IL7: variants seen among roughly 807,000 people sequenced by gnomAD.
IL7 encodes interleukin-7.
IL7 carries 3 observed loss-of-function variants against 21.6 expected under a neutral mutation model. The observed-to-expected ratio is 0.14, with a 90% CI of 0.06 to 0.36. IL7 has a LOEUF of 0.36. Ranked by LOEUF, IL7 falls within the 10% of genes least tolerant of loss-of-function variation. The pLI is 1.00. For missense variants in IL7, 175 were observed against 200.2 expected (o/e 0.87, Z 0.76); for synonymous variants, 62 against 68.1 (o/e 0.91, Z 0.44).
At chr8:78,708,670 ATCTTTTTTTTT>A (rs1218727344) in intron 3 of IL7, among the ~76,000 whole-genome samples, 2 of 78,258 alleles carry the variant, frequency 2.6e-5, no homozygotes, top group Non-Finnish European at 6.3e-5. Context: ...AAAGATGATT[ATCTTTTTTTTT>A]TCTTTTTTTT....
chr8:78,708,678 T>C (rs1427404634), intron 3 of IL7, among the ~76,000 whole-genome samples: 1 of 151,318 alleles, frequency 6.6e-6, no homozygotes, highest in African/African-American at 2.4e-5. Context: ...TTATCTTTTT[T>C]TTTTCTTTTT....
At chr8:78,699,316 A>T (rs2130552587) in intron 3 of IL7, among the ~76,000 whole-genome samples, 1 of 152,258 alleles carries the variant, frequency 6.6e-6, no homozygotes, top group East Asian at 1.9e-4. Context: ...ATATAGAGCC[A>T]TATATTTTTA....
intron 3 of IL7, chr8:78,723,889 C>A: frequency 4.6e-6 from 1 of 219,092 alleles, no homozygotes; most frequent in Admixed American, 4.5e-5. Flanking sequence ...GGAAGACAAG[C>A]TATTCCACTT....
At chr8:78,683,122 T>A (rs1220212703) in intron 4 of IL7, among the ~76,000 whole-genome samples, 4 of 152,204 alleles carry the variant, frequency 2.6e-5, no homozygotes, top group African/African-American at 9.7e-5. Flanking sequence ...GCATTGAGTG[T>A]CTGCAACTTT....
Position 78,733,544 on chromosome 8 carries a change from TTCATCTTCTAG to T in IL7, c.*158_*168del. The stretch of plus-strand genomic sequence containing the variant: ...GAGCATTCAGTTTCCATTGTTTGTA[TTCATCTTCTAG>T]TAATACAATATGCATTTCTCAAATG... On this transcript the variant is annotated 3_prime_UTR_variant, in exon 6 of 6. Coordinates refer to ENST00000263851, the MANE Select transcript of IL7 (RefSeq NM_000880.4). 4 of 575,470 alleles carry T rather than the reference TTCATCTTCTAG, an allele frequency of 7.0e-6. 1 individual carries two copies. Among genetic ancestry groups the T allele is most frequent in the Non-Finnish European group, 1.2e-5 (4 of 338,444 alleles). 35.6% of individuals were successfully genotyped at this position (575,470 alleles called of 1,614,324 possible).
At chr8:78,760,953 A>C in intron 2 of IL7, 4 of 1,564,380 alleles carry the variant, frequency 2.6e-6, no homozygotes, top group Non-Finnish European at 3.5e-6. Context: ...GCTCTTGTAA[A>C]AGATAGGACA....
intron 1 of IL7, among the ~76,000 whole-genome samples, chr8:78,804,706 CA>C: frequency 6.6e-6 from 1 of 152,338 alleles, no homozygotes; most frequent in Middle Eastern, 3.4e-3. Flanking sequence ...CCAGGGGCAG[CA>C]GCCGCCCCAG....
intron 2 of IL7, among the ~76,000 whole-genome samples, chr8:78,780,950 C>G (rs544515616): frequency 6.6e-6 from 1 of 152,260 alleles, no homozygotes; most frequent in African/African-American, 2.4e-5. Context: ...GATGTTAGCT[C>G]TTCTTGTTGA....
chr8:78,702,777 A>G (rs1267560403), intron 3 of IL7, among the ~76,000 whole-genome samples: 3 of 152,158 alleles, frequency 2.0e-5, no homozygotes, highest in Non-Finnish European at 4.4e-5. Flanking sequence ...TTTTGAGTTA[A>G]TTTCTTAATC....
At chr8:78,684,458 A>T (rs1268571872) in intron 4 of IL7, among the ~76,000 whole-genome samples, 1 of 152,168 alleles carries the variant, frequency 6.6e-6, no homozygotes, top group East Asian at 1.9e-4. Flanking sequence ...CCGTGATTCA[A>T]TTACCTCCTA....
chr8:78,777,775 T>G (rs1813179874), intron 2 of IL7, among the ~76,000 whole-genome samples: 1 of 152,098 alleles, frequency 6.6e-6, no homozygotes, highest in South Asian at 2.1e-4. Context: ...ATAACCTATC[T>G]TTCTGAATGC....
At chr8:78,760,968 T>C (rs1028438786) in intron 2 of IL7, 1 of 1,575,518 alleles carries the variant, frequency 6.3e-7, no homozygotes, top group Admixed American at 1.9e-5. Flanking sequence ...AGGACATTTT[T>C]AAGAACAACA....
intron 5 of IL7, among the ~76,000 whole-genome samples, chr8:78,720,346 G>A (rs557956647): frequency 1.3e-5 from 2 of 151,870 alleles, no homozygotes; most frequent in East Asian, 1.9e-4. Flanking sequence ...ATTGAGGTAC[G>A]TTGATTTTTT....
chr8:78,733,898 A>G (rs1302222921), intron 5 of IL7, 66 bp from the exon 6 acceptor site: 17 of 1,071,604 alleles, frequency 1.6e-5, no homozygotes, highest in Admixed American at 1.1e-4. Context: ...TTAAAATACT[A>G]TTTTTCATCA....
Position 78,686,715 on chromosome 8 carries a change from G to A in IL7, n.215-768C>T, listed in dbSNP as rs945743004. 12 of 1,199,258 alleles carry A rather than the reference G, an allele frequency of 1.0e-5. No individual in the cohort carries two copies. In the African/African-American group the frequency reaches 1.9e-4, roughly 19 times the overall value. The allele number at this position is 1,199,258 out of a possible 1,614,324, so 74.3% of individuals were successfully genotyped here. On this transcript the variant is annotated intron_variant and non_coding_transcript_variant, in intron 3 of 4. Transcript: ENST00000523959. ...TTAACTTACAATCATGGAGTGTTAT[G>A]AGGCATAATCTTTAAAATTTGGTGT... is the stretch of plus-strand genomic sequence containing the variant.
intron 2 of IL7, among the ~76,000 whole-genome samples, chr8:78,766,380 T>C (rs1414350773): frequency 1.3e-5 from 2 of 152,124 alleles, no homozygotes; most frequent in African/African-American, 2.4e-5. Flanking sequence ...ACCACTGTGA[T>C]AGCAACTGTT....
At chr8:78,787,741 G>A (rs147263063) in intron 2 of IL7, among the ~76,000 whole-genome samples, 5 of 152,172 alleles carry the variant, frequency 3.3e-5, no homozygotes, top group Admixed American at 1.3e-4. Flanking sequence ...ACATTTCCAC[G>A]GCCTCTCTTC....
At chr8:78,761,226 G>A (rs564550165) in intron 2 of IL7, 5 of 1,598,364 alleles carry the variant, frequency 3.1e-6, no homozygotes, top group Non-Finnish European at 3.4e-6. Context: ...ACGTTGTCAA[G>A]TTCTAAAAGC....
chr8:78,711,888 G>A lies in IL7; in HGVS notation n.214+9460C>T, dbSNP rs1391393865. The A allele has an allele frequency of 8.5e-6, 5 of 589,194 alleles. No individual in the cohort carries two copies. The East Asian group carries it at 3.4e-4, about 40-fold the overall frequency. 36.5% of individuals were successfully genotyped at this position (589,194 alleles called of 1,614,324 possible). On this transcript the variant is annotated intron_variant and non_coding_transcript_variant, in intron 3 of 4. Transcript: ENST00000523959. ...CAGTCAGATAAAATTAAGGACTTGG[G>A]GAGTAGATATCTGATGAACCAGAAT...
Sources: gnomAD v4.1 joint callset for allele counts (sites outside exome capture counted in the v4.1 genomes callset) on GRCh38, gnomAD v4.1.1 for gene constraint, MANE v1.5 for transcripts, NCBI Gene and HGNC (gene_info 2026-07-23, HGNC 2026-07-21) for gene names.